Variants in TRIM36 observed in about 807,000 individuals in gnomAD.
The protein encoded by TRIM36 is E3 ubiquitin-protein ligase TRIM36.
TRIM36 carries 42 observed loss-of-function variants against 72.4 expected under a neutral mutation model. The observed-to-expected ratio is 0.58, with a 90% CI of 0.45 to 0.75. The LOEUF (loss-of-function observed/expected upper bound fraction) is 0.75, where lower values mean the gene tolerates loss of function less well. Among genes scored for constraint, TRIM36 ranks in the 30% least tolerant of loss-of-function variants. The pLI is 0.00. For synonymous variants in TRIM36, 315 were observed against 282.8 expected, an observed-to-expected ratio of 1.11 and a Z score of -1.14; for missense variants, 913 against 857.1, an observed-to-expected ratio of 1.07 and a Z score of -0.81.
intron 1 of TRIM36, among the ~76,000 whole-genome samples, chr5:115,165,551 C>T (rs572808388): frequency 1.5e-4 from 23 of 152,202 alleles, no homozygotes; most frequent in Non-Finnish European, 2.8e-4. Context: ...ACTGGAACAG[C>T]TGGGACACAG....
Position 115,177,442 on chromosome 5 carries a change from T to C in TRIM36, c.63+2533A>G, listed in dbSNP as rs112875453. The stretch of plus-strand genomic sequence containing the variant: ...CCTCTACTCTCTTAACTCTCATAAT[T>C]AGACCAGTTTCCCATTATTCTTTAC... On this transcript the variant is annotated intron_variant, in intron 1 of 9. Coordinates refer to the TRIM36 transcript ENST00000282369. The C allele has an allele frequency of 3.1e-6, 3 of 973,732 alleles. No individual in the cohort carries two copies. In the African/African-American group the frequency reaches 5.0e-5, roughly 16 times the overall value. 60.3% of individuals were successfully genotyped at this position (973,732 alleles called of 1,614,324 possible).
chr5:115,150,733 G>T lies in TRIM36; in HGVS notation c.263-3339C>A, dbSNP rs1753844803. 2.0e-5 allele frequency among the ~76,000 whole-genome samples: 3 copies of T among 152,216 alleles called. No individual in the cohort carries two copies. The South Asian group carries it at 6.2e-4, about 32-fold the overall frequency. ...CTGCGAGGGCCCAAACTGTGGAACT[G>T]GGAAAGGGAGATTGTCTGCCCCTGA... On this transcript the variant is annotated intron_variant, in intron 2 of 9. Coordinates refer to ENST00000513154, the MANE Select transcript of TRIM36 (RefSeq NM_001300759.2).
At chr5:115,143,532 C>T (rs963637230) in intron 4 of TRIM36, among the ~76,000 whole-genome samples, 32 of 150,678 alleles carry the variant, frequency 2.1e-4, no homozygotes, top group African/African-American at 7.3e-4. Flanking sequence ...AGTAGTGAAA[C>T]AGATGAGAGA....
At chr5:115,158,566 A>G (rs996047173) in intron 2 of TRIM36, among the ~76,000 whole-genome samples, 5 of 152,150 alleles carry the variant, frequency 3.3e-5, no homozygotes, top group South Asian at 4.1e-4. Flanking sequence ...ACCTCTCCCA[A>G]TGGTGGACAC....
chr5:115,177,502 C>T (rs560794941), intron 1 of TRIM36: 3 of 1,298,462 alleles, frequency 2.3e-6, no homozygotes, highest in South Asian at 1.8e-5. Context: ...GAACCGAACC[C>T]CACAGAGGAA....
chr5:115,169,935 C>A (rs1394093773), upstream of TRIM36: 6 of 1,249,418 alleles, frequency 4.8e-6, no homozygotes, highest in Non-Finnish European at 6.0e-6. Context: ...GCGCAGAGAC[C>A]TGGGCGGGGC....
rs73780079 is a variant in TRIM36, at chr5:115,159,685, C to T, written c.262+3833G>A. Reference sequence around the variant, plus strand: ...CCGTTGTGATGCTGTGAACAATGAACAGAAAGCTGGATTTAGAATTTAATT... The same window carrying T: ...CCGTTGTGATGCTGTGAACAATGAATAGAAAGCTGGATTTAGAATTTAATT... On this transcript the variant is annotated intron_variant, in intron 2 of 9. Coordinates refer to ENST00000513154, the MANE Select transcript of TRIM36 (RefSeq NM_001300759.2). 830 of 449,948 alleles carry T rather than the reference C, an allele frequency of 1.8e-3. 6 individuals are homozygous for T. Among genetic ancestry groups the T allele is most frequent in the African/African-American group, 0.014 (706 of 49,824 alleles). The allele number at this position is 449,948 out of a possible 1,614,324, so 27.9% of individuals were successfully genotyped here.
At chr5:115,174,815 G>A (rs1755263921), upstream of TRIM36, among the ~76,000 whole-genome samples, 1 of 152,100 alleles carries the variant, frequency 6.6e-6, no homozygotes, top group African/African-American at 2.4e-5. Flanking sequence ...AATCTAGTAA[G>A]CATTTATCTA....
chr5:115,129,319 T>G (rs1580634782), intron 9 of TRIM36, among the ~76,000 whole-genome samples: 1 of 152,156 alleles, frequency 6.6e-6, no homozygotes, highest in Non-Finnish European at 1.5e-5. Context: ...TCCCAGCACT[T>G]TGGGAGGCTG....
Position 115,169,851 on chromosome 5 carries a change from C to T in TRIM36, c.-217G>A. 2 of 1,307,984 alleles carry T rather than the reference C, an allele frequency of 1.5e-6. No homozygotes were observed. Among genetic ancestry groups the T allele is most frequent in the Non-Finnish European group, 1.9e-6 (2 of 1,026,956 alleles). 81.0% of individuals were successfully genotyped at this position (1,307,984 alleles called of 1,614,324 possible). A position where few individuals can be genotyped will look rare whatever the true frequency, so the allele number is the denominator to read the frequency against. ...CGGGAGAAGCGAGCTTTGCTCCCAG[C>T]GACTACCCCGGGAATCCCGCCCAGC... On this transcript the variant is annotated 5_prime_UTR_variant, in exon 1 of 10. Coordinates refer to ENST00000513154, the MANE Select transcript of TRIM36 (RefSeq NM_001300759.2).
At chr5:115,171,118 C>A, upstream of TRIM36, 1 of 1,614,194 alleles carries the variant, frequency 6.2e-7, no homozygotes, top group Non-Finnish European at 8.5e-7. Context: ...TTTTAAAATG[C>A]TTCCCACTTT....
intron 2 of TRIM36, among the ~76,000 whole-genome samples, chr5:115,158,505 C>T (rs1055691069): frequency 3.3e-5 from 5 of 152,188 alleles, no homozygotes; most frequent in East Asian, 1.9e-4. Context: ...CATCCTCTCC[C>T]GTATTCTGGC....
At chr5:115,160,845 G>C (rs549800239) in intron 2 of TRIM36, among the ~76,000 whole-genome samples, 13 of 152,220 alleles carry the variant, frequency 8.5e-5, no homozygotes, top group African/African-American at 3.1e-4. Context: ...GTGAGACCCT[G>C]TCTCAAATAA....
At chr5:115,142,493 CA>C (rs1462871650) in intron 4 of TRIM36, among the ~76,000 whole-genome samples, 2 of 152,148 alleles carry the variant, frequency 1.3e-5, no homozygotes, top group African/African-American at 4.8e-5. Flanking sequence ...TTAGTTGACT[CA>C]AAGAGGTAAG....
At chr5:115,166,817 G>A (rs563175932) in intron 1 of TRIM36, among the ~76,000 whole-genome samples, 2 of 152,264 alleles carry the variant, frequency 1.3e-5, no homozygotes, top group African/African-American at 4.8e-5. Context: ...GTTTCTGGGT[G>A]CCACCATGTT....
rs763877511 is a variant in TRIM36, at chr5:115,130,038, T to TGGGA, written c.1796+550_1796+553dup. ...TTTCCTATCATTCAGATTGTTAAGCTGGGATACTGTTCACATGAGTGGTCA... is the reference window on the plus strand; with the variant it reads ...TTTCCTATCATTCAGATTGTTAAGCTGGGAGGGATACTGTTCACATGAGTGGTCA... On this transcript the variant is annotated intron_variant, in intron 9 of 9. Coordinates refer to ENST00000513154, the MANE Select transcript of TRIM36 (RefSeq NM_001300759.2). Among the ~76,000 whole-genome samples the TGGGA allele has an allele frequency of 3.3e-5, 5 of 152,316 alleles. No homozygotes were observed. The South Asian group carries it at 6.2e-4, about 19-fold the overall frequency.
chr5:115,130,568 T>TA lies in TRIM36; in HGVS notation c.1796+23_1796+24insT, dbSNP rs1229040264. ...GGCTTACTTTTAAAAAATTATCAAG[T>TA]TCTAGATCAATACAAAAACCTACCT... On this transcript the variant is annotated intron_variant, in intron 9 of 9. Coordinates refer to ENST00000513154, the MANE Select transcript of TRIM36 (RefSeq NM_001300759.2). 1.9e-6 allele frequency: 3 copies of TA among 1,600,318 alleles called. No individual in the cohort carries two copies. The South Asian group carries it at 3.4e-5, about 18-fold the overall frequency.
chr5:115,180,181 G>T (rs1429846416), upstream of TRIM36: 1 of 768,900 alleles, frequency 1.3e-6, no homozygotes, highest in Non-Finnish European at 2.1e-6. Context: ...GAAGCGCCGG[G>T]GAAAGCAAGA....
At chr5:115,154,908 G>A (rs1377729487) in intron 2 of TRIM36, among the ~76,000 whole-genome samples, 1 of 152,068 alleles carries the variant, frequency 6.6e-6, no homozygotes, top group African/African-American at 2.4e-5. Flanking sequence ...GGCTGGGCGT[G>A]GTGGCTCACG....
Sources: allele counts gnomAD v4.1 joint callset (sites outside exome capture counted in the v4.1 genomes callset), GRCh38; gene constraint gnomAD v4.1.1; transcripts MANE v1.5; gene names NCBI Gene and HGNC (gene_info 2026-07-23, HGNC 2026-07-21).